WRNIP1: variants seen among roughly 807,000 people sequenced by gnomAD.
WRNIP1 encodes WRN helicase interacting protein 1, also known as ATPase WRNIP1.
In WRNIP1, 41 loss-of-function variants were observed where a neutral mutation model predicts 56.1. The ratio of observed to expected loss-of-function variants is 0.73; its 90% CI spans 0.57 to 0.95. The LOEUF (loss-of-function observed/expected upper bound fraction) is 0.95, where lower values mean the gene tolerates loss of function less well. Among genes scored for constraint, WRNIP1 ranks in the 40% least tolerant of loss-of-function variants. The pLI is 0.00. For missense variants in WRNIP1, 1,170 were observed against 939.4 expected (o/e 1.25, Z -3.21); for synonymous variants, 547 against 398.1 (o/e 1.37, Z -4.45).
At chr6:2,766,517 G>C (rs982791607) in intron 1 of WRNIP1, 73 bp downstream of exon 1, 188 of 1,431,670 alleles carry the variant, frequency 1.3e-4, no homozygotes, top group Non-Finnish European at 1.7e-4. Context: ...CGGAGAGCCG[G>C]GTGTGCTGCC....
chr6:2,765,872 GCCA>G lies in WRNIP1; in HGVS notation c.253_255del (p.Thr85del). On this transcript the variant is annotated inframe_deletion, in exon 1 of 7. Transcript: ENST00000380773. ...GGAGAGCTCGGCGCTGAAGCAGCCAGCCACCCCGACGGCAGCCGAGAGCAGCGA... is the reference window on the plus strand; with the variant it reads ...GGAGAGCTCGGCGCTGAAGCAGCCAGCCCCGACGGCAGCCGAGAGCAGCGA... The G allele has an allele frequency of 6.9e-7, 1 of 1,445,508 alleles. No individual in the cohort carries two copies. Among genetic ancestry groups the G allele is most frequent in the South Asian group, 1.3e-5 (1 of 74,394 alleles). 89.5% of individuals were successfully genotyped at this position (1,445,508 alleles called of 1,614,324 possible).
chr6:2,771,641 G>A (rs1274170718), intron 3 of WRNIP1, among the ~76,000 whole-genome samples: 1 of 152,182 alleles, frequency 6.6e-6, no homozygotes, highest in African/African-American at 2.4e-5. Context: ...GCTTATTGGA[G>A]CACTTCAGAT....
intron 3 of WRNIP1, among the ~76,000 whole-genome samples, chr6:2,774,806 T>A (rs1765395071): frequency 2.0e-5 from 3 of 152,238 alleles, no homozygotes. Flanking sequence ...TTGCTTTGCT[T>A]TCACTCTGAT....
intron 4 of WRNIP1, among the ~76,000 whole-genome samples, chr6:2,781,911 C>T (rs563446392): frequency 1.6e-4 from 25 of 152,336 alleles, no homozygotes; most frequent in Admixed American, 1.1e-3. Flanking sequence ...GGAACTTGCC[C>T]ATGGCCCATG....
At chr6:2,768,585 A>C in intron 1 of WRNIP1, 106 bp from the exon 2 acceptor site, 1 of 902,864 alleles carries the variant, frequency 1.1e-6, no homozygotes, top group South Asian at 2.3e-5. Flanking sequence ...TTCCGAGGTC[A>C]AGTTGCTTTT....
chr6:2,766,477 G>GTT, intron 1 of WRNIP1, 33 bp downstream of exon 1: 1 of 1,470,750 alleles, frequency 6.8e-7, no homozygotes. Flanking sequence ...GGCTTCCGTA[G>GTT]TTATCTCGGC....
chr6:2,784,509 C>T lies in WRNIP1; in HGVS notation c.1722+106C>T. 1.0e-5 allele frequency: 12 copies of T among 1,153,606 alleles called. 1 individual carries two copies. In the South Asian group the frequency reaches 1.4e-4, roughly 13 times the overall value. 71.5% of individuals were successfully genotyped at this position (1,153,606 alleles called of 1,614,324 possible). The stretch of plus-strand genomic sequence containing the variant: ...CCTCCTTCACCATTGGTGTATTGGA[C>T]CCACTGAGTATGCTGCTTGGCTTTG... On this transcript the variant is annotated intron_variant, in intron 6 of 6. Coordinates refer to ENST00000380773, the MANE Select transcript of WRNIP1 (RefSeq NM_020135.3).
intron 5 of WRNIP1, 73 bp downstream of exon 5, chr6:2,783,634 C>G (rs79199605): frequency 7.6e-5 from 3 of 39,596 alleles, no homozygotes; most frequent in Non-Finnish European, 1.1e-4. Flanking sequence ...TACATCGTGG[C>G]TTTTTTTTTT....
In WRNIP1 at chr6:2,783,421, A is replaced by G. The variant is rs778611720; in HGVS notation, c.1502A>G (p.Asn501Ser). Residue 501 changes from asparagine (N) to serine (S), a missense_variant, in exon 5 of 7, where the codon AAC becomes AGC. By Grantham distance (46) the Asn-to-Ser change is conservative. Transcript: ENST00000380773. ...LYDRAGEEHY[N>S]CISALHKSMR... is the part of the protein sequence containing the mutation. The stretch of plus-strand genomic sequence containing the variant: ...GTGATGTCAGGTGAGGAGCATTACA[A>G]CTGCATCTCCGCCCTGCACAAGTCC... The G allele has an allele frequency of 2.2e-5, 35 of 1,604,424 alleles. No individual in the cohort carries two copies. Among genetic ancestry groups the G allele is most frequent in the Admixed American group, 5.1e-5 (3 of 59,304 alleles).
At chr6:2,782,876 A>C (rs1765596752) in intron 4 of WRNIP1, among the ~76,000 whole-genome samples, 1 of 152,216 alleles carries the variant, frequency 6.6e-6, no homozygotes, top group South Asian at 2.1e-4. Context: ...AGGTGTCCCC[A>C]CACCAAGGCT....
rs529903066 is a variant in WRNIP1, at chr6:2,766,253, C to A, written c.631C>A (p.Arg211=). The change falls in exon 1 of 7, where the codon CGG becomes AGG. Residue 211 remains arginine, a synonymous_variant. Transcript: ENST00000380773. Reference sequence around the variant, plus strand: ...CAGTGGCGGGGGCCGCCCGCACCCCCGGGCGCTGGCTGCCGAGGAGATCCG... The same window carrying A: ...CAGTGGCGGGGGCCGCCCGCACCCCAGGGCGCTGGCTGCCGAGGAGATCCG... ...GASGGGRPHP[R]ALAAEEIRQM... 6.6e-7 allele frequency: 1 copy of A among 1,523,184 alleles called. No individual in the cohort carries two copies. The highest frequency in any genetic ancestry group is 8.8e-7 in the Non-Finnish European group (1 of 1,135,742). The allele number at this position is 1,523,184 out of a possible 1,614,324, so 94.4% of individuals were successfully genotyped here.
intron 3 of WRNIP1, among the ~76,000 whole-genome samples, chr6:2,775,574 T>TG (rs1765412033): frequency 3.9e-5 from 6 of 152,264 alleles, no homozygotes; most frequent in Admixed American, 3.9e-4. Context: ...CATTTTTACT[T>TG]ACTGCACTCC....
intron 1 of WRNIP1, 86 bp downstream of exon 1, chr6:2,766,530 C>T: frequency 1.3e-5 from 18 of 1,409,570 alleles, no homozygotes; most frequent in Non-Finnish European, 1.6e-5. Flanking sequence ...GTGCTGCCCT[C>T]GAAAGAAGCC....
Position 2,765,421 on chromosome 6 carries a change from T to G in WRNIP1, c.-202T>G. On this transcript the variant is annotated 5_prime_UTR_variant, in exon 1 of 7. Transcript: ENST00000380773. ...CTTCCCGACACGCCGCGTGAGGCGCTGCCAGCGGCCGGCCGAGGGCGGGCG... is the reference window on the plus strand; with the variant it reads ...CTTCCCGACACGCCGCGTGAGGCGCGGCCAGCGGCCGGCCGAGGGCGGGCG... 2 of 509,840 alleles carry G rather than the reference T, an allele frequency of 3.9e-6. 1 individual carries two copies. The highest frequency in any genetic ancestry group is 1.8e-4 in the South Asian group (2 of 11,396). The allele number at this position is 509,840 out of a possible 1,614,324, so 31.6% of individuals were successfully genotyped here.
At position 2,766,054 on chromosome 6, in the gene WRNIP1, G is replaced by GGCC. The variant is rs1764948818; in HGVS notation, c.441_443dup (p.Ala149dup). On this transcript the variant is annotated inframe_insertion, in exon 1 of 7. Transcript: ENST00000380773. ...GGAAGGGGTCGGGGAAGAGGCCGGC[G>GGCC]GCCGCCGCCGCGGCGGGGAGCGCGT... The GGCC allele has an allele frequency of 6.9e-6, 9 of 1,295,002 alleles. No individual in the cohort carries two copies. The highest frequency in any genetic ancestry group is 8.8e-6 in the Non-Finnish European group (9 of 1,026,008). The allele number at this position is 1,295,002 out of a possible 1,614,324, so 80.2% of individuals were successfully genotyped here. A position where few individuals can be genotyped will look rare whatever the true frequency, so the allele number is the denominator to read the frequency against.
At chr6:2,784,883 AGGG>A in intron 6 of WRNIP1, 121 bp from the exon 7 acceptor site, 1 of 1,270,368 alleles carries the variant, frequency 7.9e-7, no homozygotes, top group South Asian at 1.4e-5. Flanking sequence ...TAGGCGCAAA[AGGG>A]GGATAATAAA....
intron 1 of WRNIP1, among the ~76,000 whole-genome samples, chr6:2,768,084 C>A (rs979233986): frequency 1.3e-5 from 2 of 152,122 alleles, no homozygotes; most frequent in African/African-American, 2.4e-5. Flanking sequence ...AGTGCTTTAC[C>A]TGGGTCTCCT....
intron 4 of WRNIP1, 49 bp from the exon 5 acceptor site, chr6:2,783,357 G>A: frequency 3.4e-6 from 5 of 1,486,454 alleles, no homozygotes; most frequent in South Asian, 1.3e-5. Flanking sequence ...AGATGGCTTG[G>A]GCGCCCCTCC....
At chr6:2,772,549 A>G (rs1765325577) in intron 3 of WRNIP1, among the ~76,000 whole-genome samples, 1 of 152,206 alleles carries the variant, frequency 6.6e-6, no homozygotes, top group Admixed American at 6.5e-5. Context: ...AGCATAAGGG[A>G]TAATTACCCA....
Sources: gnomAD v4.1 joint callset for allele counts (sites outside exome capture counted in the v4.1 genomes callset) on GRCh38, gnomAD v4.1.1 for gene constraint, MANE v1.5 for transcripts, NCBI Gene and HGNC (gene_info 2026-07-23, HGNC 2026-07-21) for gene names.